The following ARHGEF28 variants were observed in gnomAD, a reference collection of about 807,000 sequenced individuals.
The protein encoded by ARHGEF28 is Rho guanine nucleotide exchange factor 28.
In ARHGEF28, 152 loss-of-function variants were observed where a neutral mutation model predicts 206.6. The ratio of observed to expected loss-of-function variants is 0.74; its 90% CI spans 0.64 to 0.84. The LOEUF (loss-of-function observed/expected upper bound fraction) is 0.84. ARHGEF28 is among the 40% of genes least tolerant of loss of function. The pLI, the probability that ARHGEF28 is intolerant of heterozygous loss-of-function variation, is 0.00. For synonymous variants in ARHGEF28, 763 were observed against 776.4 expected (o/e 0.98, Z 0.29); for missense variants, 2,028 against 2,073.2 (o/e 0.98, Z 0.42).
At chr5:73,849,858 G>C (rs1459967122) in intron 13 of ARHGEF28, among the ~76,000 whole-genome samples, 2 of 151,728 alleles carry the variant, frequency 1.3e-5, no homozygotes, top group Non-Finnish European at 2.9e-5. Flanking sequence ...AAGCATATTT[G>C]AAAGTATTCA....
intron 1 of ARHGEF28, among the ~76,000 whole-genome samples, chr5:73,679,596 A>G (rs934400676): frequency 6.6e-6 from 1 of 151,418 alleles, no homozygotes; most frequent in African/African-American, 2.4e-5. Flanking sequence ...AGTTCTTACT[A>G]TGGCATGTAC....
At chr5:73,878,895 T>G (rs1304298587) in intron 22 of ARHGEF28, among the ~76,000 whole-genome samples, 1 of 152,092 alleles carries the variant, frequency 6.6e-6, no homozygotes, top group Non-Finnish European at 1.5e-5. Flanking sequence ...ATCTGACAAT[T>G]ATGTGTCTTG....
chr5:73,874,880 C>T (rs1320132446), intron 22 of ARHGEF28, among the ~76,000 whole-genome samples: 8 of 149,624 alleles, frequency 5.3e-5, no homozygotes, highest in East Asian at 3.9e-4. Flanking sequence ...AATAAACATA[C>T]GTGTGCATGT....
intron 35 of ARHGEF28, among the ~76,000 whole-genome samples, chr5:73,931,441 G>T (rs761797203): frequency 1.3e-5 from 2 of 152,026 alleles, no homozygotes; most frequent in Non-Finnish European, 2.9e-5. Flanking sequence ...CTTCTCTTCA[G>T]TTTTTTCTTA....
In ARHGEF28 at chr5:73,674,966, A is replaced by C. The variant is rs534525310; in HGVS notation, c.-11-9875A>C. Among the ~76,000 whole-genome samples the C allele has an allele frequency of 1.1e-4, 17 of 152,312 alleles. 1 individual carries two copies. Among genetic ancestry groups the C allele is most frequent in the African/African-American group, 3.8e-4 (16 of 41,566 alleles). ...ATCTGTACCCTTCGTAATATCCTTT[A>C]TAATAAACCAGTACATGTAAGTGTT... On this transcript the variant is annotated intron_variant, in intron 1 of 35. Transcript: ENST00000513042.
At chr5:73,940,660 A>G (rs1410284873) in intron 35 of ARHGEF28, among the ~76,000 whole-genome samples, 184 bp from the exon 36 acceptor site, 3 of 152,220 alleles carry the variant, frequency 2.0e-5, no homozygotes, top group South Asian at 4.1e-4. Context: ...ACAATCGAAC[A>G]TATCTTAATG....
Position 73,892,134 on chromosome 5 carries a change from G to A in ARHGEF28, c.3470G>A (p.Ser1157Asn). The A allele has an allele frequency of 6.3e-7, 1 of 1,591,242 alleles. No homozygotes were observed. Residue 1157 changes from serine to asparagine, a missense_variant, in exon 27 of 36, where the codon AGT (serine) becomes AAT (asparagine). Transcript: ENST00000513042. Reference sequence around the variant, plus strand: ...GAGGAGAGAGGAATGTTTCTGATCAGTGCTTCATCTGCTGGTCCTGAGATG... The same window carrying A: ...GAGGAGAGAGGAATGTTTCTGATCAATGCTTCATCTGCTGGTCCTGAGATG... ...ANEERGMFLI[S>N]ASSAGPEMYE...
In ARHGEF28 at chr5:73,898,083, A is replaced by T. The variant is rs1286908053; in HGVS notation, c.3963A>T (p.Ser1321=). Residue 1321 remains serine (S), a synonymous_variant, in exon 30 of 36, where the codon TCA becomes TCT. Coordinates refer to ENST00000513042, the MANE Select transcript of ARHGEF28 (RefSeq NM_001177693.2). The stretch of plus-strand genomic sequence containing the variant: ...TCAGTTCTCATGATGTACCAGGATC[A>T]CCGACTGCCTGTAAGTGAAAATGCA... ...DTLSSHDVPG[S]PTASLVTGGR... 6.2e-7 allele frequency: 1 copy of T among 1,611,824 alleles called. No individual in the cohort carries two copies. Among genetic ancestry groups the T allele is most frequent in the Admixed American group, 1.7e-5 (1 of 59,850 alleles).
chr5:73,904,634 T>C (rs2112715108), intron 33 of ARHGEF28: 1 of 522,628 alleles, frequency 1.9e-6, no homozygotes, highest in East Asian at 3.0e-5. Flanking sequence ...ACAGTTCATA[T>C]CTTTAAAAAA....
At chr5:73,875,721 G>C (rs1760429805) in intron 22 of ARHGEF28, among the ~76,000 whole-genome samples, 1 of 151,476 alleles carries the variant, frequency 6.6e-6, no homozygotes, top group African/African-American at 2.4e-5. Flanking sequence ...TCAAAGATCA[G>C]ATAGTTGTAG....
chr5:73,852,649 G>A lies in ARHGEF28; in HGVS notation c.1748-1G>A. The A allele has an allele frequency of 6.2e-7, 1 of 1,613,486 alleles. No individual in the cohort carries two copies. Among genetic ancestry groups the A allele is most frequent in the African/African-American group, 1.3e-5 (1 of 74,990 alleles). ...TCATTTTATTGTTCTGTGTCTTGTA[G>A]AGCAAAGAGCTTACAGCTTATCGGA... On this transcript the variant is annotated splice_acceptor_variant, in intron 13 of 35. Transcript: ENST00000513042. LOFTEE classifies it high-confidence loss of function.
intron 35 of ARHGEF28, among the ~76,000 whole-genome samples, chr5:73,925,104 C>T (rs1013822646): frequency 3.3e-5 from 5 of 152,162 alleles, no homozygotes; most frequent in East Asian, 3.9e-4. Context: ...TTTTTGGTCC[C>T]GTGGATAAGG....
At chr5:73,909,962 AG>A in intron 34 of ARHGEF28, 65 bp downstream of exon 34, 2 of 1,448,880 alleles carry the variant, frequency 1.4e-6, no homozygotes, top group South Asian at 3.0e-5. Flanking sequence ...GGGGGCTCCT[AG>A]GACACTAACC....
intron 35 of ARHGEF28, among the ~76,000 whole-genome samples, chr5:73,925,803 A>G (rs964678687): frequency 6.6e-6 from 1 of 152,104 alleles, no homozygotes; most frequent in Non-Finnish European, 1.5e-5. Flanking sequence ...GTTCCCTTGT[A>G]TTATGTTTCA....
In ARHGEF28 at chr5:73,840,452, C is replaced by T. The variant is rs573620441; in HGVS notation, c.1147-28C>T. 1.6e-4 allele frequency: 251 copies of T among 1,602,852 alleles called. 3 individuals are homozygous for T. The South Asian group carries it at 2.6e-3, about 17-fold the overall frequency. On this transcript the variant is annotated intron_variant, in intron 10 of 35. Transcript: ENST00000513042. ...TAGGCCAATCTTACCTGCTTTTACTCAGGAAATGTTTTTCTTTCAACTTCC... is the reference window on the plus strand; with the variant it reads ...TAGGCCAATCTTACCTGCTTTTACTTAGGAAATGTTTTTCTTTCAACTTCC...
chr5:73,872,317 A>G (rs1317492187), intron 21 of ARHGEF28, among the ~76,000 whole-genome samples: 4 of 152,010 alleles, frequency 2.6e-5, no homozygotes, highest in African/African-American at 9.7e-5. Context: ...TCCTTTGACC[A>G]TTTTTGAATT....
At position 73,832,508 on chromosome 5, in the gene ARHGEF28, C is replaced by A. The variant is rs768227675; in HGVS notation, c.1146+49C>A. ...GATGATTTCTACCTCTCTCCAAAAC[C>A]TGGGTTTGTAAGAAATAGATTCAGC... On this transcript the variant is annotated intron_variant, in intron 10 of 35. Coordinates refer to ENST00000513042, the MANE Select transcript of ARHGEF28 (RefSeq NM_001177693.2). The A allele has an allele frequency of 9.4e-6, 15 of 1,588,998 alleles. No individual in the cohort carries two copies. The Middle Eastern group carries it at 5.0e-4, about 53-fold the overall frequency.
chr5:73,887,028 C>T (rs567718501), intron 25 of ARHGEF28, among the ~76,000 whole-genome samples: 53 of 152,290 alleles, frequency 3.5e-4, no homozygotes, highest in African/African-American at 1.3e-3. Flanking sequence ...TGATCAACAA[C>T]TAGCAATGTT....
chr5:73,902,343 C>G (rs1387243627), intron 31 of ARHGEF28: 1 of 152,118 alleles, frequency 6.6e-6, no homozygotes, highest in Non-Finnish European at 1.5e-5. Flanking sequence ...TGGTGTCCAA[C>G]TGTGTTAATA....
Sources: allele counts gnomAD v4.1 joint callset (sites outside exome capture counted in the v4.1 genomes callset), GRCh38; gene constraint gnomAD v4.1.1; transcripts MANE v1.5; gene names NCBI Gene and HGNC (gene_info 2026-07-23, HGNC 2026-07-21).